The following KDM6A variants were observed in gnomAD, a reference collection of about 807,000 sequenced individuals.
KDM6A encodes the protein lysine-specific demethylase 6A.
Under a neutral mutation model 117.6 loss-of-function variants are expected in KDM6A, and 11 were observed. That is an observed-to-expected ratio of 0.09 (90% CI 0.06 to 0.15). KDM6A has a LOEUF of 0.15. Among genes scored for constraint, KDM6A ranks in the 10% least tolerant of loss-of-function variants. The pLI is 1.00. For synonymous variants in KDM6A, 384 were observed against 396.1 expected (o/e 0.97, Z 0.36); for missense variants, 799 against 1,077.3 (o/e 0.74, Z 3.62).
intron 8 of KDM6A, among the ~76,000 whole-genome samples, chrX:45,045,434 A>C (rs1018022631): frequency 1.8e-5 from 2 of 108,748 alleles, no homozygotes; most frequent in African/African-American, 6.7e-5. Context: ...AAAAATACAA[A>C]AATCAGCCAG....
chrX:45,023,702 G>T (rs2042257094), intron 6 of KDM6A, among the ~76,000 whole-genome samples: 2 of 111,363 alleles, frequency 1.8e-5, no homozygotes, highest in African/African-American at 6.5e-5. Flanking sequence ...GCATGGAAAA[G>T]TTCTTTAGTG....
At chrX:44,922,991 A>G (rs1054287500) in intron 2 of KDM6A, among the ~76,000 whole-genome samples, 4 of 111,633 alleles carry the variant, frequency 3.6e-5, no homozygotes, top group Non-Finnish European at 1.9e-5. Context: ...ATTTAAAAAA[A>G]TATTTTGGCT....
At chrX:45,090,167 A>G (rs2045831883) in intron 26 of KDM6A, among the ~76,000 whole-genome samples, 2 of 110,366 alleles carry the variant, frequency 1.8e-5, no homozygotes, top group Non-Finnish European at 3.8e-5. Context: ...TTATAATAAT[A>G]AATTTTAGAG....
intron 6 of KDM6A, among the ~76,000 whole-genome samples, chrX:45,023,915 C>T (rs1316238595): frequency 8.9e-6 from 1 of 111,971 alleles, no homozygotes; most frequent in Non-Finnish European, 1.9e-5. Context: ...TCCTGAGTTA[C>T]TTCACTTAGA....
intron 8 of KDM6A, among the ~76,000 whole-genome samples, chrX:45,045,479 G>A (rs1186660220): frequency 9.3e-6 from 1 of 108,086 alleles, no homozygotes; most frequent in Non-Finnish European, 1.9e-5. Context: ...CCAGCTACTC[G>A]GGAGACTGAG....
intron 2 of KDM6A, among the ~76,000 whole-genome samples, chrX:44,921,559 A>G (rs1180043997): frequency 1.8e-5 from 2 of 111,325 alleles, no homozygotes; most frequent in African/African-American, 6.5e-5. Context: ...GGAACCACCA[A>G]TCTGATGGAA....
In KDM6A at chrX:44,942,172, T is replaced by A. The variant is rs146382007; in HGVS notation, c.226-19112T>A. Among the ~76,000 whole-genome samples the A allele has an allele frequency of 9.9e-4, 109 of 109,787 alleles. No homozygotes were observed. The East Asian group carries it at 0.012, about 12-fold the overall frequency. On this transcript the variant is annotated intron_variant, in intron 2 of 29. Transcript: ENST00000611820. ...GCCTCAGCCTCCTGAGTAGCTGGGATTACAGGTGCGCGCCACCACGCCCAG... is the reference window on the plus strand; with the variant it reads ...GCCTCAGCCTCCTGAGTAGCTGGGAATACAGGTGCGCGCCACCACGCCCAG...
At chrX:44,916,883 C>G in intron 2 of KDM6A, among the ~76,000 whole-genome samples, 1 of 110,527 alleles carries the variant, frequency 9.0e-6, no homozygotes, top group African/African-American at 3.3e-5. Flanking sequence ...TGGGCACAAG[C>G]GATCCTCCTG....
chrX:45,099,052 A>G (rs1231174219), intron 27 of KDM6A, among the ~76,000 whole-genome samples: 1 of 111,492 alleles, frequency 9.0e-6, no homozygotes, highest in African/African-American at 3.3e-5. Flanking sequence ...TTTTTGCCAC[A>G]TTTATTTAGC....
chrX:44,890,799 C>T (rs1212414979), intron 2 of KDM6A, among the ~76,000 whole-genome samples: 1 of 106,516 alleles, frequency 9.4e-6, no homozygotes, highest in Non-Finnish European at 1.9e-5. Flanking sequence ...GGATTACAGG[C>T]GCCCGCCACT....
At position 45,103,899 on chromosome X, in the gene KDM6A, C is replaced by T. The variant is rs184176110; in HGVS notation, c.4035-3511C>T. On this transcript the variant is annotated intron_variant, in intron 27 of 29. Transcript: ENST00000611820. ...AAACGTCAAAGAATTTCCTGCTTTT[C>T]TAGCTGTTGAAATCATTTTTGACCT... Among the ~76,000 whole-genome samples, 656 of 112,263 alleles carry T rather than the reference C, an allele frequency of 5.8e-3. 3 individuals carry two copies. Among genetic ancestry groups the T allele is most frequent in the African/African-American group, 0.02 (615 of 30,937 alleles).
intron 2 of KDM6A, among the ~76,000 whole-genome samples, chrX:44,906,701 A>C (rs927043361): frequency 4.5e-5 from 5 of 110,692 alleles, no homozygotes; most frequent in African/African-American, 1.6e-4. Flanking sequence ...AGAGAGCGAG[A>C]GAGAGAGAGA....
intron 3 of KDM6A, among the ~76,000 whole-genome samples, chrX:44,963,473 G>GTGTC (rs1366202167): frequency 0.012 from 413 of 35,739 alleles, 4 homozygotes; most frequent in African/African-American, 0.025. Context: ...GTGTGTGTGT[G>GTGTC]TGTGTGTGTG....
At chrX:45,107,385 A>G (rs201724715) in intron 27 of KDM6A, 25 bp from the exon 28 acceptor site, 228 of 1,197,470 alleles carry the variant, frequency 1.9e-4, no homozygotes, top group Admixed American at 2.2e-5. Flanking sequence ...GTTGCTGGTC[A>G]CAAATAATTT....
intron 3 of KDM6A, among the ~76,000 whole-genome samples, chrX:44,963,739 A>C (rs2038858591): frequency 9.1e-6 from 1 of 110,144 alleles, no homozygotes; most frequent in Non-Finnish European, 1.9e-5. Flanking sequence ...GTCGGTATTT[A>C]GACCTCAAAT....
chrX:44,991,669 G>A (rs759062791), intron 4 of KDM6A, among the ~76,000 whole-genome samples: 2 of 111,755 alleles, frequency 1.8e-5, no homozygotes, highest in East Asian at 2.8e-4. Flanking sequence ...TGTTTGCTTA[G>A]TGGGTGTTTT....
intron 4 of KDM6A, among the ~76,000 whole-genome samples, chrX:44,987,652 C>A (rs1330478500): frequency 9.0e-6 from 1 of 111,249 alleles, no homozygotes; most frequent in Non-Finnish European, 1.9e-5. Context: ...TATTTTATTT[C>A]TCCTTCACTT....
intron 2 of KDM6A, among the ~76,000 whole-genome samples, chrX:44,899,194 A>T (rs1439902266): frequency 2.1e-5 from 1 of 48,338 alleles, no homozygotes. Context: ...CTGTGGAGGG[A>T]GGGGGAGGAA....
chrX:44,972,213 C>A (rs1266010648), intron 3 of KDM6A, among the ~76,000 whole-genome samples: 1 of 110,879 alleles, frequency 9.0e-6, no homozygotes. Context: ...AGTAGAATGT[C>A]TAAAAACCTA....
Sources: gnomAD v4.1 joint callset for allele counts (sites outside exome capture counted in the v4.1 genomes callset) on GRCh38, gnomAD v4.1.1 for gene constraint, MANE v1.5 for transcripts, NCBI Gene and HGNC (gene_info 2026-07-23, HGNC 2026-07-21) for gene names.